The following TRPC7 variants were observed in gnomAD, a reference collection of about 807,000 sequenced individuals.
TRPC7 encodes the protein transient receptor potential cation channel subfamily C member 7.
In TRPC7, 42 loss-of-function variants were observed where a neutral mutation model predicts 90.1. That is an observed-to-expected ratio of 0.47 (90% CI 0.36 to 0.60). TRPC7 has a LOEUF of 0.60. Ranked by LOEUF, TRPC7 falls within the 20% of genes least tolerant of loss-of-function variation. The pLI, the probability that TRPC7 is intolerant of heterozygous loss-of-function variation, is 0.00. For synonymous variants in TRPC7, 451 were observed against 436.3 expected, an observed-to-expected ratio of 1.03 and a Z score of -0.42; for missense variants, 955 against 1,112.3, an observed-to-expected ratio of 0.86 and a Z score of 2.01.
At chr5:136,316,948 G>A (rs1338305028) in intron 2 of TRPC7, among the ~76,000 whole-genome samples, 1 of 152,176 alleles carries the variant, frequency 6.6e-6, no homozygotes, top group Non-Finnish European at 1.5e-5. Flanking sequence ...TGGAAGCCTG[G>A]CAAACTGCAG....
intron 3 of TRPC7, among the ~76,000 whole-genome samples, chr5:136,310,942 T>A (rs1758806977): frequency 6.6e-6 from 1 of 152,168 alleles, no homozygotes; most frequent in South Asian, 2.1e-4. Context: ...TTGCTGGTGA[T>A]ACAGCCATGC....
intron 2 of TRPC7, among the ~76,000 whole-genome samples, chr5:136,329,127 A>G (rs975489019): frequency 6.6e-6 from 1 of 152,088 alleles, no homozygotes; most frequent in African/African-American, 2.4e-5. Context: ...GCACATTGAC[A>G]TGGCATTTGT....
intron 10 of TRPC7, among the ~76,000 whole-genome samples, chr5:136,218,174 T>TAAA (rs1171461012): frequency 2.7e-5 from 4 of 146,372 alleles, no homozygotes; most frequent in Non-Finnish European, 4.5e-5. Context: ...ATAATATATA[T>TAAA]CTCAAAAATA....
At chr5:136,282,461 C>T (rs975346642) in intron 3 of TRPC7, among the ~76,000 whole-genome samples, 4 of 152,102 alleles carry the variant, frequency 2.6e-5, no homozygotes, top group African/African-American at 9.7e-5. Flanking sequence ...TTTAAAATGA[C>T]ACTTTAAAAT....
intron 10 of TRPC7, among the ~76,000 whole-genome samples, chr5:136,221,078 C>T (rs1440760190): frequency 6.7e-6 from 1 of 150,372 alleles, no homozygotes; most frequent in Non-Finnish European, 1.5e-5. Context: ...CCTTCTTTCA[C>T]TATGTGGGGG....
intron 3 of TRPC7, among the ~76,000 whole-genome samples, chr5:136,314,739 A>C (rs1758955683): frequency 6.6e-6 from 1 of 152,188 alleles, no homozygotes. Flanking sequence ...TAAAAATACC[A>C]TTCAGTTTTG....
At chr5:136,217,166 C>T (rs1755294133) in intron 10 of TRPC7, among the ~76,000 whole-genome samples, 2 of 152,198 alleles carry the variant, frequency 1.3e-5, no homozygotes, top group Non-Finnish European at 2.9e-5. Context: ...AAGGGATTTC[C>T]CTGCTCCTTG....
Position 136,342,246 on chromosome 5 carries a change from C to T in TRPC7, c.780+14362G>A, listed in dbSNP as rs76478179. Among the ~76,000 whole-genome samples, 790 of 152,308 alleles carry T rather than the reference C, an allele frequency of 5.2e-3. 5 individuals carry two copies. The highest frequency in any genetic ancestry group is 0.018 in the African/African-American group (736 of 41,558). On this transcript the variant is annotated intron_variant, in intron 2 of 11. Transcript: ENST00000513104. ...GGTCCCCCCAGGGGCTGGGCTGGTA[C>T]GTAGATGTGAGCTCACATGCCTCCC...
chr5:136,311,368 C>G (rs1758820448), intron 3 of TRPC7, among the ~76,000 whole-genome samples: 1 of 152,186 alleles, frequency 6.6e-6, no homozygotes, highest in African/African-American at 2.4e-5. Flanking sequence ...GTGCCAACAA[C>G]TCTGTCTGGG....
chr5:136,330,707 C>G lies in TRPC7; in HGVS notation c.781-14928G>C, dbSNP rs537909879. On this transcript the variant is annotated intron_variant, in intron 2 of 11. Transcript: ENST00000513104. ...AGGACAGGAGATGAGACTGGCTGAG[C>G]TCTGGGAGCTGAGTCCACCCCACGC... Among the ~76,000 whole-genome samples, 42 of 152,358 alleles carry G rather than the reference C, an allele frequency of 2.8e-4. No homozygotes were observed. The South Asian group carries it at 7.2e-3, about 26-fold the overall frequency.
chr5:136,260,763 TG>T (rs1756831889), intron 5 of TRPC7, among the ~76,000 whole-genome samples: 1 of 152,066 alleles, frequency 6.6e-6, no homozygotes, highest in African/African-American at 2.4e-5. Context: ...GACTGAGTCA[TG>T]GGGGTGGGAG....
intron 4 of TRPC7, among the ~76,000 whole-genome samples, chr5:136,267,078 A>C (rs1757058073): frequency 6.6e-6 from 1 of 152,186 alleles, no homozygotes; most frequent in Non-Finnish European, 1.5e-5. Context: ...TTATTGCAGC[A>C]TCTTTATAGA....
intron 2 of TRPC7, among the ~76,000 whole-genome samples, chr5:136,328,715 G>A (rs1048154896): frequency 2.6e-5 from 4 of 152,230 alleles, no homozygotes; most frequent in Non-Finnish European, 4.4e-5. Context: ...CACAATATGT[G>A]GCAAGTATTG....
chr5:136,333,498 A>G (rs1023062945), intron 2 of TRPC7, among the ~76,000 whole-genome samples: 1 of 152,254 alleles, frequency 6.6e-6, no homozygotes, highest in Non-Finnish European at 1.5e-5. Flanking sequence ...TAACATAGGC[A>G]GTGAGGGCCA....
intron 3 of TRPC7, chr5:136,314,143 G>T (rs1479638473): frequency 1.3e-5 from 2 of 152,202 alleles, no homozygotes; most frequent in Non-Finnish European, 1.5e-5. Flanking sequence ...CTTTTGTGTG[G>T]TTTTTAGACA....
In TRPC7 at chr5:136,297,320, C is replaced by T. The variant is rs114011525; in HGVS notation, c.963+18277G>A. On this transcript the variant is annotated intron_variant, in intron 3 of 11. Coordinates refer to ENST00000513104, the MANE Select transcript of TRPC7 (RefSeq NM_020389.3). ...CAGATGTAGCTGATAATGGGTGTCA[C>T]AGGATGATCCCCTCCTTCTTCAAGC... 2.0e-3 allele frequency among the ~76,000 whole-genome samples: 297 copies of T among 152,270 alleles called. 1 individual carries two copies. Among genetic ancestry groups the T allele is most frequent in the African/African-American group, 6.5e-3 (270 of 41,542 alleles).
At position 136,226,225 on chromosome 5, in the gene TRPC7, G is replaced by A. The variant is rs1176153805; in HGVS notation, c.2071C>T (p.Arg691Ter). The A allele has an allele frequency of 5.8e-6, 9 of 1,551,624 alleles. No individual in the cohort carries two copies. Among genetic ancestry groups the A allele is most frequent in the African/African-American group, 1.4e-5 (1 of 73,026 alleles). ...EDADVEWKFA[R>*]AKLWLSYFDE... ...AAGTAAGACAGCCAGAGTTTTGCTC[G>A]GGCGAACTTCCATTCCACATCTGCA... The change falls in exon 9 of 12, where the codon CGA becomes TGA. Residue 691 changes from arginine to a stop codon, truncating the protein, a stop_gained. Transcript: ENST00000513104. LOFTEE classifies it high-confidence loss of function.
chr5:136,280,020 C>A (rs916953882), intron 3 of TRPC7, among the ~76,000 whole-genome samples: 4 of 152,024 alleles, frequency 2.6e-5, no homozygotes, highest in Non-Finnish European at 4.4e-5. Flanking sequence ...ATTAGCTGGG[C>A]ATGGTGGCTG....
In TRPC7 at chr5:136,356,891, G is replaced by A; in HGVS notation, c.497C>T (p.Thr166Met). 1 of 1,613,916 alleles carries A rather than the reference G, an allele frequency of 6.2e-7. No homozygotes were observed. The highest frequency in any genetic ancestry group is 8.5e-7 in the Non-Finnish European group (1 of 1,179,960). The change falls in exon 2 of 12, where the codon ACG becomes ATG. Residue 166 changes from threonine (T) to methionine (M), a missense_variant. Transcript: ENST00000513104. ...EDGTRFSHDITPIILAAHCQE... is the reference protein window; with the variant it reads ...EDGTRFSHDIMPIILAAHCQE... The stretch of plus-strand genomic sequence containing the variant: ...GCAGTGCGCCGCCAGGATGATGGGC[G>A]TGATGTCGTGGGAGAAGCGCGTGCC...
Sources: gnomAD v4.1 joint callset for allele counts (sites outside exome capture counted in the v4.1 genomes callset) on GRCh38, gnomAD v4.1.1 for gene constraint, MANE v1.5 for transcripts, NCBI Gene and HGNC (gene_info 2026-07-23, HGNC 2026-07-21) for gene names.